NLGN1: variants seen among roughly 807,000 people sequenced by gnomAD.
NLGN1 encodes the protein neuroligin 1.
Under a neutral mutation model 65.5 loss-of-function variants are expected in NLGN1, and 12 were observed. The observed-to-expected ratio is 0.18, with a 90% confidence interval of 0.12 to 0.30. NLGN1 has a LOEUF of 0.30. Ranked by LOEUF, NLGN1 falls within the 10% of genes least tolerant of loss-of-function variation. The pLI is 1.00. For synonymous variants in NLGN1, 350 were observed against 359.5 expected (o/e 0.97, Z 0.30); for missense variants, 750 against 1,007.1 (o/e 0.74, Z 3.46).
chr3:174,281,560 A>C (rs973675699), exon 7 of NLGN1: 27 of 380,818 alleles, frequency 7.1e-5, no homozygotes, highest in Non-Finnish European at 1.2e-4. Context: ...AATTTTTTGA[A>C]GATTTAAGTT....
chr3:173,890,319 C>A (rs1373843671), intron 4 of NLGN1, among the ~76,000 whole-genome samples: 1 of 152,104 alleles, frequency 6.6e-6, no homozygotes, highest in East Asian at 1.9e-4. Flanking sequence ...TTGTTCAGAA[C>A]CACCCACACA....
chr3:173,774,841 C>T (rs1373728303), intron 3 of NLGN1, among the ~76,000 whole-genome samples: 1 of 152,078 alleles, frequency 6.6e-6, no homozygotes, highest in Non-Finnish European at 1.5e-5. Flanking sequence ...CTCGCACGCA[C>T]ATTCTAGATA....
At chr3:173,905,966 A>T (rs374960355) in intron 4 of NLGN1, among the ~76,000 whole-genome samples, 6 of 152,156 alleles carry the variant, frequency 3.9e-5, no homozygotes, top group African/African-American at 1.4e-4. Context: ...GAATTAAAGA[A>T]CTCTTGGACC....
intron 2 of NLGN1, among the ~76,000 whole-genome samples, chr3:173,561,253 C>G (rs1324622945): frequency 1.3e-5 from 2 of 152,198 alleles, no homozygotes; most frequent in African/African-American, 2.4e-5. Flanking sequence ...AGAAAACTAT[C>G]AGATAACTTG....
At position 173,629,820 on chromosome 3, in the gene NLGN1, A is replaced by G. The variant is rs540479501; in HGVS notation, c.493+24729A>G. 4.7e-3 allele frequency among the ~76,000 whole-genome samples: 713 copies of G among 152,262 alleles called. 4 individuals are homozygous for G. Among genetic ancestry groups the G allele is most frequent in the Non-Finnish European group, 7.0e-3 (475 of 68,006 alleles). On this transcript the variant is annotated intron_variant, in intron 3 of 6. Coordinates refer to ENST00000457714, the Ensembl canonical transcript of NLGN1. ...GAGACACGACTGTGTTAAAACATTGAAAAAATCAATCTCCACTTCAGAGTT... is the reference window on the plus strand; with the variant it reads ...GAGACACGACTGTGTTAAAACATTGGAAAAATCAATCTCCACTTCAGAGTT...
chr3:173,967,994 G>T (rs189763540), intron 4 of NLGN1, among the ~76,000 whole-genome samples: 2 of 152,142 alleles, frequency 1.3e-5, no homozygotes, highest in African/African-American at 4.8e-5. Flanking sequence ...TAGCTGACGC[G>T]TGTTCCAGTA....
chr3:173,496,177 A>G (rs914325068), intron 2 of NLGN1, among the ~76,000 whole-genome samples: 2 of 151,656 alleles, frequency 1.3e-5, no homozygotes, highest in South Asian at 2.1e-4. Flanking sequence ...ACTAGAGACC[A>G]TGTCTTCATA....
rs1491398284 is a variant in NLGN1, at chr3:173,973,549, GGT to G, written c.646+165718_646+165719del. 3.0e-3 allele frequency among the ~76,000 whole-genome samples: 456 copies of G among 151,520 alleles called. 8 individuals carry two copies. Among genetic ancestry groups the G allele is most frequent in the African/African-American group, 0.01 (418 of 41,372 alleles). On this transcript the variant is annotated intron_variant, in intron 4 of 6. Coordinates refer to ENST00000457714, the Ensembl canonical transcript of NLGN1. The stretch of plus-strand genomic sequence containing the variant: ...AAATTTTTGAGGAATAAAATTATGT[GGT>G]TTTTTTTTTGGAAACACTTTAAATG...
chr3:174,289,664 T>C (rs1470807752), downstream of NLGN1, among the ~76,000 whole-genome samples: 1 of 150,982 alleles, frequency 6.6e-6, no homozygotes, highest in Non-Finnish European at 1.5e-5. Context: ...TTTAGGCCAG[T>C]CAAGTGTTGT....
intron 3 of NLGN1, among the ~76,000 whole-genome samples, chr3:173,767,219 CT>C (rs1453053808): frequency 4.6e-5 from 7 of 152,010 alleles, no homozygotes; most frequent in Non-Finnish European, 2.9e-5. Context: ...AAAATTGGTA[CT>C]GAAAACAATG....
chr3:174,110,976 T>C (rs779681598), intron 4 of NLGN1, among the ~76,000 whole-genome samples: 8 of 152,062 alleles, frequency 5.3e-5, no homozygotes, highest in Admixed American at 2.6e-4. Context: ...AAAGTAAGTG[T>C]TGAGGAATAT....
intron 4 of NLGN1, among the ~76,000 whole-genome samples, chr3:174,209,894 G>C (rs530990672): frequency 6.6e-6 from 1 of 151,948 alleles, no homozygotes; most frequent in Non-Finnish European, 1.5e-5. Context: ...GCCTCCCAAA[G>C]TGCTGGGATT....
chr3:173,736,463 CA>C (rs951936806), intron 3 of NLGN1, among the ~76,000 whole-genome samples: 2 of 151,332 alleles, frequency 1.3e-5, no homozygotes, highest in East Asian at 1.9e-4. Context: ...GAACCAATAT[CA>C]AAAAAAATGG....
intron 4 of NLGN1, among the ~76,000 whole-genome samples, chr3:173,954,896 T>C (rs138006381): frequency 2.6e-3 from 402 of 152,294 alleles, no homozygotes; most frequent in African/African-American, 9.3e-3. Flanking sequence ...TACTGAGTAC[T>C]TGCAAAATGC....
chr3:174,007,949 AGTGTGTGTGT>A (rs5854543), intron 4 of NLGN1, among the ~76,000 whole-genome samples: 8 of 148,786 alleles, frequency 5.4e-5, no homozygotes, highest in African/African-American at 9.8e-5. Context: ...GACCAGTCTA[AGTGTGTGTGT>A]GTGTGTGTGT....
intron 4 of NLGN1, among the ~76,000 whole-genome samples, chr3:174,149,552 A>T (rs572341495): frequency 1.3e-5 from 2 of 152,094 alleles, no homozygotes; most frequent in Admixed American, 1.3e-4. Flanking sequence ...TCTTTATTTC[A>T]TATCAAATTA....
At chr3:173,884,441 T>C (rs1391006108) in intron 4 of NLGN1, among the ~76,000 whole-genome samples, 1 of 152,144 alleles carries the variant, frequency 6.6e-6, no homozygotes, top group Non-Finnish European at 1.5e-5. Context: ...GCTATATATG[T>C]TCGTAATGAT....
At chr3:174,003,609 G>T (rs1213406973) in intron 4 of NLGN1, among the ~76,000 whole-genome samples, 1 of 152,032 alleles carries the variant, frequency 6.6e-6, no homozygotes, top group Non-Finnish European at 1.5e-5. Context: ...TTTTCTACAA[G>T]AATAAGAAAG....
At chr3:173,533,631 C>T (rs1350308304) in intron 2 of NLGN1, among the ~76,000 whole-genome samples, 3 of 152,072 alleles carry the variant, frequency 2.0e-5, no homozygotes, top group Non-Finnish European at 4.4e-5. Flanking sequence ...ATGTTTGACA[C>T]AATCATCAAA....
Sources: allele counts gnomAD v4.1 joint callset (sites outside exome capture counted in the v4.1 genomes callset), GRCh38; gene constraint gnomAD v4.1.1; transcripts MANE v1.5; gene names NCBI Gene and HGNC (gene_info 2026-07-23, HGNC 2026-07-21).